CHRNA7: variants seen among roughly 807,000 people sequenced by gnomAD.
The protein encoded by CHRNA7 is cholinergic receptor nicotinic alpha 7 subunit.
CHRNA7 carries 17 observed loss-of-function variants against 48.0 expected under a neutral mutation model. The ratio of observed to expected loss-of-function variants is 0.35; its 90% CI spans 0.24 to 0.53. The LOEUF is 0.53. CHRNA7 is among the 20% of genes least tolerant of loss of function. The pLI is 0.92. For synonymous variants in CHRNA7, 75 were observed against 242.3 expected (o/e 0.31, Z 6.41); for missense variants, 155 against 577.7 (o/e 0.27, Z 7.50).
At chr15:32,069,064 G>C (rs1190949347) in intron 2 of CHRNA7, among the ~76,000 whole-genome samples, 1 of 152,064 alleles carries the variant, frequency 6.6e-6, no homozygotes, top group Non-Finnish European at 1.5e-5. Context: ...ACTACATAAA[G>C]CAATAATTAA....
intron 2 of CHRNA7, among the ~76,000 whole-genome samples, chr15:32,054,571 G>C (rs999198683): frequency 1.3e-5 from 2 of 152,092 alleles, no homozygotes; most frequent in Non-Finnish European, 2.9e-5. Context: ...ACAGACCTTC[G>C]CTCCTCCAGA....
chr15:32,052,001 A>T (rs1378067933), intron 2 of CHRNA7, among the ~76,000 whole-genome samples: 1 of 152,144 alleles, frequency 6.6e-6, no homozygotes, highest in East Asian at 1.9e-4. Context: ...TCTTGAGCTC[A>T]AAATTTTCCA....
intron 2 of CHRNA7, among the ~76,000 whole-genome samples, chr15:32,084,891 G>C (rs116149572): frequency 6.6e-6 from 1 of 150,888 alleles, no homozygotes; most frequent in Non-Finnish European, 1.5e-5. Context: ...GGAGTGTAAC[G>C]GCACGATCAC....
chr15:32,152,456 A>G (rs2051650182), intron 4 of CHRNA7, among the ~76,000 whole-genome samples: 1 of 152,084 alleles, frequency 6.6e-6, no homozygotes, highest in African/African-American at 2.4e-5. Flanking sequence ...AAAAAAGGGA[A>G]GCGTAGCACA....
At chr15:32,098,859 TC>T (rs996680995) in intron 2 of CHRNA7, 93 of 63,990 alleles carry the variant, frequency 1.5e-3, no homozygotes, top group East Asian at 0.012. Flanking sequence ...TCCTACCTCA[TC>T]CCCCCCCACC....
chr15:32,047,168 C>A (rs2049566605), intron 2 of CHRNA7, among the ~76,000 whole-genome samples: 1 of 134,314 alleles, frequency 7.4e-6, no homozygotes, highest in African/African-American at 3.1e-5. Flanking sequence ...TTTTTTGGTT[C>A]CATATGAACT....
intron 2 of CHRNA7, among the ~76,000 whole-genome samples, chr15:32,093,842 C>G (rs2050422575): frequency 6.6e-6 from 1 of 152,068 alleles, no homozygotes; most frequent in African/African-American, 2.4e-5. Context: ...ATCCCTTAAG[C>G]CTTATACGTT....
intron 2 of CHRNA7, among the ~76,000 whole-genome samples, chr15:32,078,617 C>T (rs1415502195): frequency 7.5e-6 from 1 of 132,908 alleles, no homozygotes; most frequent in Non-Finnish European, 1.6e-5. Flanking sequence ...CTGAATAGAC[C>T]AATGACAAGT....
chr15:32,146,574 G>A (rs553241120), intron 4 of CHRNA7, among the ~76,000 whole-genome samples: 7 of 152,268 alleles, frequency 4.6e-5, no homozygotes, highest in African/African-American at 1.4e-4. Flanking sequence ...AGTATCAAAT[G>A]TGTTTCTATA....
chr15:32,030,522 T>C lies in CHRNA7; in HGVS notation c.-73T>C, dbSNP rs1901752673. 26 of 1,336,834 alleles carry C rather than the reference T, an allele frequency of 1.9e-5. No individual in the cohort carries two copies. Among genetic ancestry groups the C allele is most frequent in the Non-Finnish European group, 2.4e-5 (25 of 1,048,320 alleles). 82.8% of individuals were successfully genotyped at this position (1,336,834 alleles called of 1,614,324 possible). ...CGAGCCGAGCGGCGAGGTGCCTCTG[T>C]GGCCGCAGGCGCAGGCCCGGGCGAC... On this transcript the variant is annotated 5_prime_UTR_variant, in exon 1 of 10. Coordinates refer to ENST00000306901, the MANE Select transcript of CHRNA7 (RefSeq NM_000746.6).
At chr15:32,056,192 A>G (rs1345253507) in intron 2 of CHRNA7, among the ~76,000 whole-genome samples, 1 of 152,118 alleles carries the variant, frequency 6.6e-6, no homozygotes, top group East Asian at 1.9e-4. Flanking sequence ...TTTCTTCTAC[A>G]TTTAGTGCTT....
chr15:32,040,135 G>A (rs1015064208), intron 2 of CHRNA7, among the ~76,000 whole-genome samples: 2 of 152,050 alleles, frequency 1.3e-5, no homozygotes, highest in Non-Finnish European at 2.9e-5. Context: ...TAATTTATAT[G>A]TGTCTTTATA....
intron 4 of CHRNA7, among the ~76,000 whole-genome samples, chr15:32,142,531 G>T (rs1232832482): frequency 6.6e-6 from 1 of 152,156 alleles, no homozygotes; most frequent in Non-Finnish European, 1.5e-5. Flanking sequence ...GAATTCGGCT[G>T]TGAATTTGTC....
chr15:32,135,563 G>A (rs1212158793), intron 4 of CHRNA7, among the ~76,000 whole-genome samples: 2 of 152,184 alleles, frequency 1.3e-5, no homozygotes, highest in Non-Finnish European at 2.9e-5. Flanking sequence ...CTCAGACAGT[G>A]AACAGGGCGA....
rs200908085 is a variant in CHRNA7, at chr15:32,111,893, A to G, written c.344A>G (p.Tyr115Cys). The G allele has an allele frequency of 2.3e-5, 36 of 1,583,594 alleles. No individual in the cohort carries two copies. Among genetic ancestry groups the G allele is most frequent in the Non-Finnish European group, 2.9e-5 (33 of 1,152,140 alleles). ...ATTTGGAAACCAGACATTCTTCTCT[A>G]TAACAGGTAAGCATATTGAACAAAG... ...GQIWKPDILLYNSADERFDAT... is the reference protein window; with the variant it reads ...GQIWKPDILLCNSADERFDAT... The change falls in exon 4 of 10, where the codon TAT becomes TGT. Residue 115 changes from tyrosine to cysteine, a missense_variant. By Grantham distance (194) the Tyr-to-Cys change is radical. Coordinates refer to ENST00000306901, the MANE Select transcript of CHRNA7 (RefSeq NM_000746.6).
intron 2 of CHRNA7, among the ~76,000 whole-genome samples, chr15:32,036,271 T>A (rs1218590270): frequency 1.3e-5 from 2 of 152,212 alleles, no homozygotes; most frequent in African/African-American, 4.8e-5. Flanking sequence ...AGCTCACTCC[T>A]TTTTAGCACT....
intron 4 of CHRNA7, among the ~76,000 whole-genome samples, chr15:32,145,896 C>T (rs1323704988): frequency 1.3e-5 from 2 of 152,234 alleles, no homozygotes; most frequent in Non-Finnish European, 2.9e-5. Context: ...CGACGCCCCA[C>T]CCTGCTTTGG....
chr15:32,037,691 T>C (rs1261233725), intron 2 of CHRNA7, among the ~76,000 whole-genome samples: 1 of 152,186 alleles, frequency 6.6e-6, no homozygotes, highest in African/African-American at 2.4e-5. Flanking sequence ...ATGATTTCAA[T>C]GTCAAATTCT....
At chr15:32,132,840 A>G (rs893874380) in intron 4 of CHRNA7, among the ~76,000 whole-genome samples, 1 of 152,230 alleles carries the variant, frequency 6.6e-6, no homozygotes, top group African/African-American at 2.4e-5. Context: ...TTATGCTGTC[A>G]TAGCAAGTGG....
Sources: gnomAD v4.1 joint callset for allele counts (sites outside exome capture counted in the v4.1 genomes callset) on GRCh38, gnomAD v4.1.1 for gene constraint, MANE v1.5 for transcripts, NCBI Gene and HGNC (gene_info 2026-07-23, HGNC 2026-07-21) for gene names.